VDAC2: variants seen among roughly 807,000 people sequenced by gnomAD.
VDAC2 encodes the protein voltage dependent anion channel 2, also known as non-selective voltage-gated ion channel VDAC2.
Under a neutral mutation model 36.6 loss-of-function variants are expected in VDAC2, and 6 were observed. The ratio of observed to expected loss-of-function variants is 0.16; its 90% CI spans 0.09 to 0.32. The LOEUF is 0.32. Among genes scored for constraint, VDAC2 ranks in the 10% least tolerant of loss-of-function variants. The pLI, the probability that VDAC2 is intolerant of heterozygous loss-of-function variation, is 1.00. For synonymous variants in VDAC2, 109 were observed against 123.8 expected (o/e 0.88, Z 0.79); for missense variants, 247 against 346.0 (o/e 0.71, Z 2.27).
At chr10:75,228,877 G>A (rs2132284745) in intron 8 of VDAC2, among the ~76,000 whole-genome samples, 1 of 152,314 alleles carries the variant, frequency 6.6e-6, no homozygotes, top group Admixed American at 6.5e-5. Context: ...TAATGTTAGG[G>A]GTGGTAGAGA....
chr10:75,219,987 C>T lies in VDAC2; in HGVS notation c.356+631C>T, dbSNP rs554333267. Among the ~76,000 whole-genome samples the T allele has an allele frequency of 1.0e-3, 153 of 150,996 alleles. 1 individual carries two copies. Among genetic ancestry groups the T allele is most frequent in the Non-Finnish European group, 1.9e-3 (130 of 67,878 alleles). ...GGATCACAGGCATGTGCCACCACGC[C>T]CACCTAATTTTTGTATTTTTGGTAG... is the stretch of plus-strand genomic sequence containing the variant. On this transcript the variant is annotated intron_variant, in intron 6 of 9. Coordinates refer to ENST00000332211, the MANE Select transcript of VDAC2 (RefSeq NM_001391963.1).
chr10:75,219,532 G>A (rs1265302435), intron 6 of VDAC2, among the ~76,000 whole-genome samples, 176 bp downstream of exon 6: 1 of 152,210 alleles, frequency 6.6e-6, no homozygotes, highest in Non-Finnish European at 1.5e-5. Context: ...CACCCAGGCT[G>A]GAGTGCAGTG....
Position 75,212,282 on chromosome 10 carries a change from T to C in VDAC2, c.84T>C (p.Ile28=), listed in dbSNP as rs1276435512. The C allele has an allele frequency of 6.2e-7, 1 of 1,613,530 alleles. No homozygotes were observed. The highest frequency in any genetic ancestry group is 1.3e-5 in the African/African-American group (1 of 75,048). Residue 28 remains isoleucine (I), a synonymous_variant, in exon 3 of 10, where the codon ATT becomes ATC. Transcript: ENST00000332211. The part of the protein sequence containing the change: ...YADLGKAARD[I]FNKGFGFGLV... ...ACCTTGGCAAAGCTGCCAGAGATAT[T>C]TTCAACAAAGGATTTGGTAAGAACC...
At chr10:75,211,399 G>T in intron 2 of VDAC2, 1 of 1,437,792 alleles carries the variant, frequency 7.0e-7, no homozygotes. Context: ...GTTGGTCTGT[G>T]GCCGCATGGA....
chr10:75,223,510 CT>C (rs1284395999), intron 8 of VDAC2, among the ~76,000 whole-genome samples: 2 of 152,134 alleles, frequency 1.3e-5, no homozygotes, highest in African/African-American at 4.8e-5. Context: ...TGTACCTAGC[CT>C]TTCCCACTTC....
chr10:75,226,458 T>G (rs1005849377), intron 8 of VDAC2, among the ~76,000 whole-genome samples: 1 of 148,482 alleles, frequency 6.7e-6, no homozygotes, highest in Non-Finnish European at 1.5e-5. Flanking sequence ...TGGGTTTTTT[T>G]TTTTTTTTTT....
At chr10:75,219,686 T>G in intron 6 of VDAC2, among the ~76,000 whole-genome samples, 1 of 151,746 alleles carries the variant, frequency 6.6e-6, no homozygotes, top group East Asian at 1.9e-4. Context: ...GGTTTCGCCA[T>G]GTTGGCCAGG....
intron 8 of VDAC2, among the ~76,000 whole-genome samples, chr10:75,227,576 A>AG (rs1841989654): frequency 6.6e-5 from 6 of 90,770 alleles, no homozygotes; most frequent in African/African-American, 3.2e-4. Context: ...AAATAATAGG[A>AG]ATTTTTTTTT....
At chr10:75,215,415 G>C (rs1315289872) in intron 4 of VDAC2, among the ~76,000 whole-genome samples, 1 of 150,656 alleles carries the variant, frequency 6.6e-6, no homozygotes, top group Admixed American at 6.6e-5. Flanking sequence ...GCAGTGGCAT[G>C]ATCTCAGCTC....
At chr10:75,226,573 G>A (rs1426321090) in intron 8 of VDAC2, among the ~76,000 whole-genome samples, 1 of 148,624 alleles carries the variant, frequency 6.7e-6, no homozygotes, top group Non-Finnish European at 1.5e-5. Flanking sequence ...AGCAGTTCTC[G>A]TGCCTCAGCC....
At chr10:75,222,846 T>C (rs995849930) in intron 8 of VDAC2, among the ~76,000 whole-genome samples, 2 of 152,112 alleles carry the variant, frequency 1.3e-5, no homozygotes. Context: ...GATGTTTTTT[T>C]GTAGAGATGG....
At chr10:75,228,145 C>T (rs1433871220) in intron 8 of VDAC2, among the ~76,000 whole-genome samples, 3 of 148,454 alleles carry the variant, frequency 2.0e-5, no homozygotes, top group Admixed American at 6.7e-5. Flanking sequence ...CCGCCTGCCT[C>T]GGCCTCCCAA....
intron 8 of VDAC2, among the ~76,000 whole-genome samples, chr10:75,225,808 T>C (rs1841936509): frequency 6.6e-6 from 1 of 152,006 alleles, no homozygotes; most frequent in African/African-American, 2.4e-5. Flanking sequence ...TTTGTTTTGT[T>C]TTGTTTTGTT....
chr10:75,230,800 C>G (rs2132288165), intron 9 of VDAC2, 98 bp from the exon 10 acceptor site: 1 of 1,015,118 alleles, frequency 9.9e-7, no homozygotes, highest in East Asian at 2.8e-5. Flanking sequence ...GAGGAAGTGA[C>G]AGGCAGGCTC....
At chr10:75,211,670 A>G (rs746527297) in intron 2 of VDAC2, 54 of 1,550,394 alleles carry the variant, frequency 3.5e-5, no homozygotes, top group Non-Finnish European at 4.6e-5. Flanking sequence ...GTAAGTTTGA[A>G]GCGCTATTTG....
In VDAC2 at chr10:75,220,717, A is replaced by G. The variant is rs200467805; in HGVS notation, c.357-26A>G. 1,002 of 1,589,228 alleles carry G rather than the reference A, an allele frequency of 6.3e-4. 1 individual carries two copies. The highest frequency in any genetic ancestry group is 7.7e-4 in the Non-Finnish European group (899 of 1,164,270). On this transcript the variant is annotated intron_variant, in intron 6 of 9. Transcript: ENST00000332211. ...CAGAAGTGTGTGTAAATTTTTCCCA[A>G]TGACATCAGTTTGTTCTTTTTCCAG... is the stretch of plus-strand genomic sequence containing the variant.
chr10:75,221,401 C>T (rs904173625), intron 7 of VDAC2, among the ~76,000 whole-genome samples: 10 of 151,962 alleles, frequency 6.6e-5, no homozygotes, highest in Admixed American at 3.9e-4. Context: ...TTTGCGATCT[C>T]GGCTCACTCC....
chr10:75,216,622 T>C (rs1305156070), intron 4 of VDAC2, among the ~76,000 whole-genome samples: 1 of 152,086 alleles, frequency 6.6e-6, no homozygotes, highest in African/African-American at 2.4e-5. Context: ...TGGTAAAGGG[T>C]ATGAGCTGTA....
chr10:75,211,009 G>A (rs893533961), intron 1 of VDAC2, 71 bp downstream of exon 1: 1 of 891,710 alleles, frequency 1.1e-6, no homozygotes, highest in South Asian at 2.2e-5. Flanking sequence ...GCCCGCGCCG[G>A]ACTCGGAGTC....
Sources: allele counts gnomAD v4.1 joint callset (sites outside exome capture counted in the v4.1 genomes callset), GRCh38; gene constraint gnomAD v4.1.1; transcripts MANE v1.5; gene names NCBI Gene and HGNC (gene_info 2026-07-23, HGNC 2026-07-21).